CHST11: variants seen among roughly 807,000 people sequenced by gnomAD.
The protein encoded by CHST11 is C4S-1.
A neutral mutation model predicts 30.4 loss-of-function variants in CHST11; 9 were observed. That is an observed-to-expected ratio of 0.30 (90% confidence interval 0.18 to 0.52). CHST11 has a LOEUF of 0.52. Among genes scored for constraint, CHST11 ranks in the 20% least tolerant of loss-of-function variants. The probability of loss-of-function intolerance (pLI) is 0.97; values close to 1 mark genes in which losing one functional copy is unlikely to be tolerated. For synonymous variants in CHST11, 152 were observed against 187.8 expected, an observed-to-expected ratio of 0.81 and a Z score of 1.56; for missense variants, 348 against 460.6, an observed-to-expected ratio of 0.76 and a Z score of 2.24.
intron 1 of CHST11, among the ~76,000 whole-genome samples, chr12:104,505,078 T>C (rs900370031): frequency 2.0e-5 from 3 of 152,136 alleles, no homozygotes; most frequent in Non-Finnish European, 4.4e-5. Flanking sequence ...TGTTTTGGCT[T>C]ACAGACACCT....
rs182241648 is a variant in CHST11 at position 104,712,905 on chromosome 12, C to A, written c.205-44044C>A. Among the ~76,000 whole-genome samples, 6 of 152,160 alleles carry A rather than the reference C, an allele frequency of 3.9e-5. No individual in the cohort carries two copies. In the East Asian group the frequency reaches 1.2e-3, roughly 29 times the overall value. On this transcript the variant is annotated intron_variant, in intron 2 of 2. Coordinates refer to ENST00000303694, the MANE Select transcript of CHST11 (RefSeq NM_018413.6). ...AAGTCTTCCGTTATTTGGCTGGGGA[C>A]AGGGGGATTGTTATTTTAGGAGACA... is the stretch of plus-strand genomic sequence containing the variant.
intron 2 of CHST11, among the ~76,000 whole-genome samples, chr12:104,663,786 T>C (rs915821311): frequency 2.8e-4 from 42 of 152,342 alleles, no homozygotes; most frequent in Non-Finnish European, 1.3e-4. Context: ...TCCCCCTTTC[T>C]TTAGCCCATT....
intron 2 of CHST11, among the ~76,000 whole-genome samples, chr12:104,671,827 C>T (rs2039700579): frequency 6.6e-6 from 1 of 152,112 alleles, no homozygotes; most frequent in South Asian, 2.1e-4. Flanking sequence ...CTTTCAACAG[C>T]CAAATGGAAA....
chr12:104,508,417 C>T (rs1565968017), intron 1 of CHST11, among the ~76,000 whole-genome samples: 1 of 152,230 alleles, frequency 6.6e-6, no homozygotes, highest in Non-Finnish European at 1.5e-5. Context: ...AAGCACGTAT[C>T]AGTGACTACA....
chr12:104,534,294 T>TTTGA (rs1241163911), intron 1 of CHST11, among the ~76,000 whole-genome samples: 5 of 152,210 alleles, frequency 3.3e-5, no homozygotes, highest in African/African-American at 1.2e-4. Context: ...TTCCATTTTC[T>TTTGA]TTGACAGTGT....
chr12:104,609,307 CTGGCAG>C (rs2039036324), intron 2 of CHST11, among the ~76,000 whole-genome samples: 2 of 152,232 alleles, frequency 1.3e-5, no homozygotes, highest in African/African-American at 2.4e-5. Flanking sequence ...TACTGCCAGC[CTGGCAG>C]CTGGCTGGCA....
chr12:104,643,807 A>C (rs2039400629), intron 2 of CHST11, among the ~76,000 whole-genome samples: 1 of 152,150 alleles, frequency 6.6e-6, no homozygotes, highest in African/African-American at 2.4e-5. Flanking sequence ...CGTGTTTTCC[A>C]GCTCCTGGAA....
chr12:104,602,190 GAGAAATGCCT>G, intron 2 of CHST11, 199 bp downstream of exon 2: 1 of 596,482 alleles, frequency 1.7e-6, no homozygotes, highest in Non-Finnish European at 3.0e-6. Flanking sequence ...TTTAGAATTA[GAGAAATGCCT>G]AGGTTTAGTG....
intron 1 of CHST11, among the ~76,000 whole-genome samples, chr12:104,571,058 G>A (rs1417367409): frequency 2.6e-5 from 4 of 152,016 alleles, no homozygotes; most frequent in African/African-American, 9.7e-5. Context: ...AGGAATTCTT[G>A]TTTTCATCTT....
intron 2 of CHST11, among the ~76,000 whole-genome samples, chr12:104,654,674 G>C (rs1390857294): frequency 6.6e-6 from 1 of 152,028 alleles, no homozygotes; most frequent in Non-Finnish European, 1.5e-5. Flanking sequence ...ACTTCGGCCT[G>C]TCCACTCACC....
chr12:104,752,896 CCATT>C (rs143056379), intron 2 of CHST11, among the ~76,000 whole-genome samples: 2,443 of 152,264 alleles, frequency 0.016, 27 homozygotes, highest in East Asian at 0.049. Context: ...GATTATTAAG[CCATT>C]CATTCATTCA....
At chr12:104,522,474 G>A (rs1023831499) in intron 1 of CHST11, among the ~76,000 whole-genome samples, 8 of 152,152 alleles carry the variant, frequency 5.3e-5, no homozygotes, top group Admixed American at 2.0e-4. Context: ...ACGTGTATTG[G>A]TGTAGGGTTC....
At chr12:104,708,098 G>A (rs553205947) in intron 2 of CHST11, among the ~76,000 whole-genome samples, 10 of 152,248 alleles carry the variant, frequency 6.6e-5, no homozygotes, top group South Asian at 6.2e-4. Flanking sequence ...GGAGATTGTC[G>A]GGCCATGTTC....
At chr12:104,564,959 A>G (rs540706949) in intron 1 of CHST11, among the ~76,000 whole-genome samples, 2 of 152,150 alleles carry the variant, frequency 1.3e-5, no homozygotes, top group Non-Finnish European at 2.9e-5. Flanking sequence ...ACAGCACAGG[A>G]AAAACCCACC....
intron 1 of CHST11, among the ~76,000 whole-genome samples, chr12:104,574,666 A>G (rs1248801094): frequency 1.3e-5 from 2 of 151,590 alleles, no homozygotes; most frequent in Non-Finnish European, 2.9e-5. Flanking sequence ...CAATGAGAAC[A>G]CTTGAACACA....
At chr12:104,618,342 G>A (rs1028006368) in intron 2 of CHST11, among the ~76,000 whole-genome samples, 1 of 150,984 alleles carries the variant, frequency 6.6e-6, no homozygotes, top group Non-Finnish European at 1.5e-5. Context: ...TGCCACTTCA[G>A]CCTCCCAAGT....
intron 2 of CHST11, among the ~76,000 whole-genome samples, chr12:104,731,078 C>T (rs1238900169): frequency 6.6e-6 from 1 of 152,230 alleles, no homozygotes; most frequent in Non-Finnish European, 1.5e-5. Context: ...TCCTGGCTGC[C>T]AGCTCCATTT....
At chr12:104,592,126 C>T (rs2038865285) in intron 1 of CHST11, among the ~76,000 whole-genome samples, 1 of 150,940 alleles carries the variant, frequency 6.6e-6, no homozygotes, top group Non-Finnish European at 1.5e-5. Context: ...TCTCCCCTCC[C>T]ATCTCCTCTC....
intron 2 of CHST11, among the ~76,000 whole-genome samples, chr12:104,614,133 A>G (rs2039086150): frequency 6.6e-6 from 1 of 152,220 alleles, no homozygotes; most frequent in South Asian, 2.1e-4. Flanking sequence ...CTATCTCTCT[A>G]TCTAAGCATC....
Sources: gnomAD v4.1 joint callset for allele counts (sites outside exome capture counted in the v4.1 genomes callset) on GRCh38, gnomAD v4.1.1 for gene constraint, MANE v1.5 for transcripts, NCBI Gene and HGNC (gene_info 2026-07-23, HGNC 2026-07-21) for gene names.